HPSE2: variants seen among roughly 807,000 people sequenced by gnomAD.
HPSE2 encodes the protein heparanase 2 (inactive).
Under a neutral mutation model 60.5 loss-of-function variants are expected in HPSE2, and 38 were observed. The ratio of observed to expected loss-of-function variants is 0.63; its 90% CI spans 0.48 to 0.82. The LOEUF is 0.82. HPSE2 is among the 40% of genes least tolerant of loss of function. The pLI is 0.00. For synonymous variants in HPSE2, 295 were observed against 293.2 expected, an observed-to-expected ratio of 1.01 and a Z score of -0.06; for missense variants, 713 against 740.4, an observed-to-expected ratio of 0.96 and a Z score of 0.43.
At chr10:99,311,960 A>G in the HPSE2 span, among the ~76,000 whole-genome samples, 88 of 152,338 alleles carry the variant, frequency 5.8e-4, no homozygotes, top group Non-Finnish European at 9.6e-4. Flanking sequence ...AGTGGTCTAG[A>G]TAGAAGATCA....
At position 99,104,192 on chromosome 10, in the gene HPSE2, C is replaced by G. The variant is rs140765517; in HGVS notation, c.610+40046G>C. ...CAAAAGAAACTACCATCAGAGTGAA[C>G]AGGCAACCTACAGAATGGGAGAAAA... On this transcript the variant is annotated intron_variant, in intron 3 of 11. Coordinates refer to ENST00000370552, the MANE Select transcript of HPSE2 (RefSeq NM_021828.5). 1.6e-3 allele frequency among the ~76,000 whole-genome samples: 251 copies of G among 152,288 alleles called. 1 individual carries two copies. Among genetic ancestry groups the G allele is most frequent in the African/African-American group, 5.6e-3 (234 of 41,572 alleles).
chr10:99,114,520 G>A (rs994417096), intron 3 of HPSE2, among the ~76,000 whole-genome samples: 1 of 152,120 alleles, frequency 6.6e-6, no homozygotes, highest in Non-Finnish European at 1.5e-5. Context: ...TTAACACAAA[G>A]ACTTCTACAA....
intron 8 of HPSE2, among the ~76,000 whole-genome samples, chr10:98,618,625 C>T (rs1945986750): frequency 6.6e-6 from 1 of 152,040 alleles, no homozygotes; most frequent in East Asian, 1.9e-4. Flanking sequence ...TGCTCTGTTG[C>T]CCAGGCTGGA....
chr10:99,053,014 A>T (rs575424990), intron 3 of HPSE2, among the ~76,000 whole-genome samples: 16 of 144,550 alleles, frequency 1.1e-4, no homozygotes, highest in African/African-American at 2.9e-4. Flanking sequence ...AACAGATGGT[A>T]TTTTCCATCT....
chr10:98,499,062 G>A (rs1176132172), intron 9 of HPSE2, among the ~76,000 whole-genome samples: 1 of 152,148 alleles, frequency 6.6e-6, no homozygotes, highest in Non-Finnish European at 1.5e-5. Flanking sequence ...AAATCTCAAA[G>A]TTCGGAAAAC....
At chr10:99,014,362 C>T (rs1216581522) in intron 3 of HPSE2, among the ~76,000 whole-genome samples, 1 of 152,160 alleles carries the variant, frequency 6.6e-6, no homozygotes, top group Non-Finnish European at 1.5e-5. Context: ...TCATTCATGG[C>T]CACTTAGGTT....
At chr10:98,673,105 T>C (rs568238445) in intron 6 of HPSE2, among the ~76,000 whole-genome samples, 6 of 152,310 alleles carry the variant, frequency 3.9e-5, no homozygotes, top group Non-Finnish European at 7.4e-5. Flanking sequence ...CCAGCATCTG[T>C]AATCCTAGAA....
At chr10:99,142,116 G>A (rs1845885540) in intron 3 of HPSE2, among the ~76,000 whole-genome samples, 1 of 152,170 alleles carries the variant, frequency 6.6e-6, no homozygotes, top group South Asian at 2.1e-4. Flanking sequence ...TATACAGAAA[G>A]AAATCCTGGA....
intron 2 of HPSE2, among the ~76,000 whole-genome samples, chr10:99,150,597 A>G (rs1347571450): frequency 3.3e-5 from 5 of 152,234 alleles, no homozygotes. Flanking sequence ...CTGGGATTAC[A>G]GGCATGAGCC....
intron 5 of HPSE2, among the ~76,000 whole-genome samples, chr10:98,721,124 C>T (rs145540222): frequency 6.6e-6 from 1 of 151,718 alleles, no homozygotes; most frequent in Non-Finnish European, 1.5e-5. Context: ...CCTTGCCTTG[C>T]GTGATTTTTA....
At chr10:98,669,152 A>G (rs1046001106) in intron 6 of HPSE2, among the ~76,000 whole-genome samples, 1 of 152,224 alleles carries the variant, frequency 6.6e-6, no homozygotes, top group African/African-American at 2.4e-5. Flanking sequence ...ATCACTAATC[A>G]TTAGAGAAAT....
chr10:99,043,813 AT>A, intron 3 of HPSE2, among the ~76,000 whole-genome samples: 1 of 152,322 alleles, frequency 6.6e-6, no homozygotes, highest in Non-Finnish European at 1.5e-5. Flanking sequence ...TCAGATAAAA[AT>A]AAAGAAGAAA....
intron 9 of HPSE2, among the ~76,000 whole-genome samples, chr10:98,574,949 A>C (rs576770): frequency 0.85 from 129,234 of 152,122 alleles, 56,163 homozygotes; most frequent in East Asian, 1. Flanking sequence ...AGTGGAGTGG[A>C]TCTTGAAACA....
intron 6 of HPSE2, among the ~76,000 whole-genome samples, chr10:98,675,536 G>A (rs1947613751): frequency 9.7e-6 from 1 of 103,466 alleles, no homozygotes; most frequent in Non-Finnish European, 2.0e-5. Context: ...TGAGATCCCT[G>A]TCTACACACA....
chr10:99,243,083 G>C, the HPSE2 span, among the ~76,000 whole-genome samples: 1 of 152,184 alleles, frequency 6.6e-6, no homozygotes, highest in Non-Finnish European at 1.5e-5. Context: ...TCCGGGCACA[G>C]TGGCTCACGC....
chr10:98,940,668 G>A (rs1390941406), intron 3 of HPSE2, among the ~76,000 whole-genome samples: 45 of 127,498 alleles, frequency 3.5e-4, no homozygotes, highest in African/African-American at 5.0e-4. Context: ...GGAGGAACTG[G>A]TACCATTCCT....
At chr10:98,807,980 C>T (rs1405661058) in intron 3 of HPSE2, among the ~76,000 whole-genome samples, 1 of 152,172 alleles carries the variant, frequency 6.6e-6, no homozygotes, top group East Asian at 1.9e-4. Context: ...CAACCTATGT[C>T]TGTCCTCTCT....
chr10:99,303,289 T>C, the HPSE2 span, among the ~76,000 whole-genome samples: 2 of 152,160 alleles, frequency 1.3e-5, no homozygotes, highest in African/African-American at 4.8e-5. Context: ...AAGGGAACTC[T>C]GAAACTTAGT....
chr10:98,550,246 T>A (rs745803376), intron 9 of HPSE2, among the ~76,000 whole-genome samples: 14 of 151,964 alleles, frequency 9.2e-5, no homozygotes, highest in Non-Finnish European at 1.6e-4. Flanking sequence ...AGCTTGAATG[T>A]CCCTTTCTCA....
Sources: gnomAD v4.1 joint callset for allele counts (sites outside exome capture counted in the v4.1 genomes callset) on GRCh38, gnomAD v4.1.1 for gene constraint, MANE v1.5 for transcripts, NCBI Gene and HGNC (gene_info 2026-07-23, HGNC 2026-07-21) for gene names.